The following PTPRS variants were observed in gnomAD, a reference collection of about 807,000 sequenced individuals.
The protein encoded by PTPRS is receptor-type tyrosine-protein phosphatase S.
Under a neutral mutation model 215.3 loss-of-function variants are expected in PTPRS, and 63 were observed. The observed-to-expected ratio is 0.29, with a 90% CI of 0.24 to 0.36. The LOEUF (loss-of-function observed/expected upper bound fraction) is 0.36. Among genes scored for constraint, PTPRS ranks in the 10% least tolerant of loss-of-function variants. PTPRS has a pLI of 1.00. For missense variants in PTPRS, 2,258 were observed against 2,825.8 expected (o/e 0.80, Z 4.56); for synonymous variants, 1,404 against 1,191.4 (o/e 1.18, Z -3.68).
At chr19:5,308,762 C>T (rs2049588097) in intron 1 of PTPRS, among the ~76,000 whole-genome samples, 1 of 152,208 alleles carries the variant, frequency 6.6e-6, no homozygotes, top group Non-Finnish European at 1.5e-5. Context: ...TAAACAAAAG[C>T]CCCGCAGCCG....
chr19:5,212,831 A>T (rs1313637003), intron 30 of PTPRS, among the ~76,000 whole-genome samples: 1 of 132,802 alleles, frequency 7.5e-6, no homozygotes, highest in Non-Finnish European at 1.6e-5. Context: ...TGACAGAGTG[A>T]AACTCCATCT....
Position 5,222,890 on chromosome 19 carries a change from C to T in PTPRS, c.2902G>A (p.Ala968Thr). ...RNGAIVKYTVAVREAGALGPA... is the reference protein window; with the variant it reads ...RNGAIVKYTVTVREAGALGPA... ...CCCAGGGCACCGGCCTCCCGCACGG[C>T]CACCGTGTATTTGACGATGGCCCCG... The change falls in exon 18 of 38, where the codon GCC becomes ACC. Residue 968 changes from alanine (A) to threonine (T), a missense_variant. Around this residue, in one of 6 missense-constraint regions of PTPRS, gnomAD observed 361 missense variants for 332.6 expected, o/e 1.09. Coordinates refer to ENST00000262963, the MANE Select transcript of PTPRS (RefSeq NM_002850.4). 6.4e-7 allele frequency: 1 copy of T among 1,574,578 alleles called. No individual in the cohort carries two copies. Among genetic ancestry groups the T allele is most frequent in the Non-Finnish European group, 8.6e-7 (1 of 1,166,838 alleles).
At position 5,300,681 on chromosome 19, in the gene PTPRS, T is replaced by C. The variant is rs145760817; in HGVS notation, c.-94-14447A>G. 3.8e-3 allele frequency among the ~76,000 whole-genome samples: 562 copies of C among 149,658 alleles called. 1 individual carries two copies. The highest frequency in any genetic ancestry group is 7.0e-3 in the Middle Eastern group (2 of 284). Reference sequence around the variant, plus strand: ...AGCTACTTGGGAGGCTGAGGCAGGATTGCTTGAGCCCAAGAGGCAGAGGTT... The same window carrying C: ...AGCTACTTGGGAGGCTGAGGCAGGACTGCTTGAGCCCAAGAGGCAGAGGTT... On this transcript the variant is annotated intron_variant, in intron 1 of 37. Transcript: ENST00000262963.
intron 1 of PTPRS, among the ~76,000 whole-genome samples, chr19:5,336,234 T>A (rs566531547): frequency 8.3e-6 from 1 of 119,950 alleles, no homozygotes; most frequent in South Asian, 3.1e-4. Context: ...CCCTTTTTGG[T>A]TGAGAGTCTT....
Position 5,231,348 on chromosome 19 carries a change from G to A in PTPRS, c.2117C>T (p.Pro706Leu), listed in dbSNP as rs1340279963. The A allele has an allele frequency of 6.2e-7, 1 of 1,612,024 alleles. No individual in the cohort carries two copies. Among genetic ancestry groups the A allele is most frequent in the Non-Finnish European group, 8.5e-7 (1 of 1,179,862 alleles). The change falls in exon 14 of 38, where the codon CCC becomes CTC. Residue 706 changes from proline (P) to leucine (L), a missense_variant. This residue lies in a region of PTPRS where 371 missense variants were observed against 446.7 expected (regional missense o/e 0.83). Coordinates refer to ENST00000262963, the MANE Select transcript of PTPRS (RefSeq NM_002850.4). The stretch of plus-strand genomic sequence containing the variant: ...GCGGACGACCACGGGCGAGCTCTCG[G>A]GCCCTGGTCCCACCTCTGTGTGAGC... ...TVAHTEVGPG[P>L]ESSPVVVRTD... is the part of the protein sequence containing the mutation.
At chr19:5,332,339 G>A (rs2050354096) in intron 1 of PTPRS, among the ~76,000 whole-genome samples, 1 of 152,132 alleles carries the variant, frequency 6.6e-6, no homozygotes, top group African/African-American at 2.4e-5. Flanking sequence ...TGTTGGCCAG[G>A]CTGGTCTCAA....
At chr19:5,213,215 C>T (rs2041090568) in intron 30 of PTPRS, among the ~76,000 whole-genome samples, 2 of 152,218 alleles carry the variant, frequency 1.3e-5, no homozygotes, top group South Asian at 2.1e-4. Context: ...TTGGCTCCCA[C>T]CCAAGCCCCC....
chr19:5,311,691 GAGATGGC>G, intron 1 of PTPRS, among the ~76,000 whole-genome samples: 1 of 152,140 alleles, frequency 6.6e-6, no homozygotes, highest in Non-Finnish European at 1.5e-5. Context: ...GGCTGGGGTG[GAGATGGC>G]AGATGCTCTC....
chr19:5,211,694 G>T lies in PTPRS; in HGVS notation c.5130C>A (p.Arg1710=), dbSNP rs753873371. ...TCTCATAGGGCATGATGTTCACCAGGCGGTTCTTGAACTTGTTACAAGGCA... is the reference window on the plus strand; with the variant it reads ...TCTCATAGGGCATGATGTTCACCAGTCGGTTCTTGAACTTGTTACAAGGCA... ...ANLPCNKFKN[R]LVNIMPYEST... Residue 1710 remains arginine, a synonymous_variant, in exon 33 of 38, where the codon CGC becomes CGA. Coordinates refer to ENST00000262963, the MANE Select transcript of PTPRS (RefSeq NM_002850.4). The T allele has an allele frequency of 8.1e-6, 13 of 1,614,134 alleles. No individual in the cohort carries two copies. In the East Asian group the frequency reaches 2.9e-4, roughly 36 times the overall value.
intron 28 of PTPRS, 54 bp downstream of exon 28, chr19:5,215,235 G>C: frequency 6.2e-7 from 1 of 1,604,526 alleles, no homozygotes; most frequent in African/African-American, 1.3e-5. Flanking sequence ...ATGGGATCTA[G>C]CACTTTCCAT....
intron 1 of PTPRS, among the ~76,000 whole-genome samples, chr19:5,301,173 C>T (rs2049290866): frequency 6.6e-6 from 1 of 152,186 alleles, no homozygotes; most frequent in South Asian, 2.1e-4. Flanking sequence ...AGCTCTGCAG[C>T]GCCAACATGC....
rs915569636 is a variant in PTPRS, at chr19:5,338,337, G to A, written c.-95+2327C>T. On this transcript the variant is annotated intron_variant, in intron 1 of 37. Coordinates refer to ENST00000262963, the MANE Select transcript of PTPRS (RefSeq NM_002850.4). The surrounding 1 kb of genome is among the most constrained non-coding windows in gnomAD (Gnocchi z 4.2). ...GGATGATGGAGTATGGCGGGCGGTG[G>A]CCCCCAGGGGGCTGGGAGGCCTAGC... Among the ~76,000 whole-genome samples, 3 of 152,150 alleles carry A rather than the reference G, an allele frequency of 2.0e-5. No homozygotes were observed. Among genetic ancestry groups the A allele is most frequent in the Admixed American group, 2.0e-4 (3 of 15,284 alleles).
At chr19:5,263,526 G>A (rs1210009469) in intron 5 of PTPRS, among the ~76,000 whole-genome samples, 2 of 152,164 alleles carry the variant, frequency 1.3e-5, no homozygotes, top group Admixed American at 6.5e-5. Context: ...TCGGAGGAAG[G>A]GGAGAGAGAA....
At position 5,220,299 on chromosome 19, in the gene PTPRS, C is replaced by A. The variant is rs1381027765; in HGVS notation, c.3510G>T (p.Leu1170=). 1.9e-6 allele frequency: 3 copies of A among 1,613,982 alleles called. No individual in the cohort carries two copies. Among genetic ancestry groups the A allele is most frequent in the Non-Finnish European group, 2.5e-6 (3 of 1,180,042 alleles). ...PLRKSRGGQF[L]TPLGSPEDMD... is the part of the protein sequence containing the mutation. ...TGTCCTCTGGGCTACCCAGCGGGGTCAGGAATTGGCCTCCACGAGACTTGC... is the reference window on the plus strand; with the variant it reads ...TGTCCTCTGGGCTACCCAGCGGGGTAAGGAATTGGCCTCCACGAGACTTGC... Residue 1170 remains leucine (L), a synonymous_variant, in exon 21 of 38, where the codon CTG becomes CTT. Coordinates refer to ENST00000262963, the MANE Select transcript of PTPRS (RefSeq NM_002850.4).
Position 5,212,030 on chromosome 19 carries a change from A to T in PTPRS, c.4990T>A (p.Tyr1664Asn). The change falls in exon 32 of 38, where the codon TAC (tyrosine) becomes AAC (asparagine). Residue 1664 changes from tyrosine (Y) to asparagine (N), a missense_variant. Around this residue, in one of 6 missense-constraint regions of PTPRS, gnomAD observed 927 missense variants for 1,125.9 expected, o/e 0.82. Coordinates refer to ENST00000262963, the MANE Select transcript of PTPRS (RefSeq NM_002850.4). ...TCCACCTGGGCCAGCTTCTGGATGT[A>T]GGCATAGAGGCTGCGTGCGGGCACT... is the stretch of plus-strand genomic sequence containing the variant. ...TEVPARSLYAYIQKLAQVEPG... is the reference protein window; with the variant it reads ...TEVPARSLYANIQKLAQVEPG... The T allele has an allele frequency of 1.9e-6, 3 of 1,613,856 alleles. No individual in the cohort carries two copies. In the South Asian group the frequency reaches 3.3e-5, roughly 18 times the overall value.
At chr19:5,276,098 C>T (rs951096111) in intron 2 of PTPRS, among the ~76,000 whole-genome samples, 2 of 152,248 alleles carry the variant, frequency 1.3e-5, no homozygotes, top group African/African-American at 2.4e-5. Flanking sequence ...CACAGCCAGG[C>T]GGTGGCTGAG....
chr19:5,222,464 GGGGGAGGGGAGCAA>G (rs1263791563), intron 18 of PTPRS, among the ~76,000 whole-genome samples: 4 of 151,452 alleles, frequency 2.6e-5, no homozygotes, highest in African/African-American at 7.3e-5. Flanking sequence ...GGAGGAAGAG[GGGGGAGGGGAGCAA>G]GGGGAGGGGG....
At chr19:5,264,702 C>G (rs1447001326) in intron 5 of PTPRS, among the ~76,000 whole-genome samples, 1 of 152,204 alleles carries the variant, frequency 6.6e-6, no homozygotes, top group Non-Finnish European at 1.5e-5. Flanking sequence ...CCGCCCATGG[C>G]CCTATATAAC....
In PTPRS at chr19:5,299,449, T is replaced by C. The variant is rs2049236980; in HGVS notation, c.-94-13215A>G. On this transcript the variant is annotated intron_variant, in intron 1 of 37. Coordinates refer to ENST00000262963, the MANE Select transcript of PTPRS (RefSeq NM_002850.4). ...TCACCCTTCCATTCTCCCTCAAGGATCACCTCCTCAGAAATGCCCTGGCTG... is the reference window on the plus strand; with the variant it reads ...TCACCCTTCCATTCTCCCTCAAGGACCACCTCCTCAGAAATGCCCTGGCTG... Among the ~76,000 whole-genome samples the C allele has an allele frequency of 3.9e-5, 6 of 152,170 alleles. No individual in the cohort carries two copies. The South Asian group carries it at 1.0e-3, about 26-fold the overall frequency.
Sources: allele counts gnomAD v4.1 joint callset (sites outside exome capture counted in the v4.1 genomes callset), GRCh38; gene constraint gnomAD v4.1.1; regional missense constraint gnomAD v4.1.1; non-coding constraint Gnocchi (gnomAD v3.1); transcripts MANE v1.5; gene names NCBI Gene and HGNC (gene_info 2026-07-23, HGNC 2026-07-21).